The following RADIL variants were observed in gnomAD, a reference collection of about 807,000 sequenced individuals.
RADIL encodes the protein Rap associating with DIL domain, also known as ras-associating and dilute domain-containing protein.
A neutral mutation model predicts 97.6 loss-of-function variants in RADIL; 99 were observed. The ratio of observed to expected loss-of-function variants is 1.01; its 90% CI spans 0.86 to 1.20. RADIL has a LOEUF of 1.20. RADIL is among the 50% of genes most tolerant of loss of function. RADIL has a pLI of 0.00. For synonymous variants in RADIL, 803 were observed against 691.8 expected (o/e 1.16, Z -2.52); for missense variants, 1,765 against 1,498.9 (o/e 1.18, Z -2.93).
chr7:4,823,256 G>A (rs559857775), intron 5 of RADIL, among the ~76,000 whole-genome samples: 180 of 151,314 alleles, frequency 1.2e-3, no homozygotes, highest in Non-Finnish European at 7.5e-4. Flanking sequence ...AGGAGTTCGA[G>A]ACCAGCCTGG....
chr7:4,860,549 G>A (rs1485719437), intron 2 of RADIL: 7 of 1,614,050 alleles, frequency 4.3e-6, no homozygotes, highest in Non-Finnish European at 5.9e-6. Flanking sequence ...TGCTGGAAAT[G>A]ACTGTGGATT....
At chr7:4,838,632 C>T (rs1273109795) in intron 2 of RADIL, among the ~76,000 whole-genome samples, 1 of 152,202 alleles carries the variant, frequency 6.6e-6, no homozygotes, top group Non-Finnish European at 1.5e-5. Context: ...GCAGGGGCCA[C>T]TCCCAGGGTC....
rs369369633 is a variant in RADIL at position 4,799,272 on chromosome 7, G to A, written c.*106C>T. The A allele has an allele frequency of 3.4e-5, 37 of 1,088,328 alleles. No homozygotes were observed. Among genetic ancestry groups the A allele is most frequent in the South Asian group, 6.9e-5 (5 of 72,126 alleles). 67.4% of individuals were successfully genotyped at this position (1,088,328 alleles called of 1,614,324 possible). A position where few individuals can be genotyped will look rare whatever the true frequency, so the allele number is the denominator to read the frequency against. Reference sequence around the variant, plus strand: ...GTCCCCAGGGTGAGGCTCCCCACCCGGGACCCAACTTGGTCAGTTACAAAA... The same window carrying A: ...GTCCCCAGGGTGAGGCTCCCCACCCAGGACCCAACTTGGTCAGTTACAAAA... On this transcript the variant is annotated 3_prime_UTR_variant, in exon 15 of 15. Transcript: ENST00000399583.
chr7:4,806,692 C>T (rs1782320409), intron 9 of RADIL, among the ~76,000 whole-genome samples: 1 of 152,226 alleles, frequency 6.6e-6, no homozygotes, highest in South Asian at 2.1e-4. Flanking sequence ...AATAGATCTT[C>T]TAGTAGCTTC....
rs1023507394 is a variant in RADIL at position 4,878,729 on chromosome 7, C to A, written c.-64-526G>T. On this transcript the variant is annotated intron_variant, in intron 1 of 14. Transcript: ENST00000399583. The surrounding 1 kb of genome is among the most constrained non-coding windows in gnomAD (Gnocchi z 4.1). ...GAGGTCGCCTAAGTAAGACACGCTC[C>A]GCTGCAGGGCTTGGATTTCTGGAAA... is the stretch of plus-strand genomic sequence containing the variant. 6.6e-6 allele frequency among the ~76,000 whole-genome samples: 1 copy of A among 152,214 alleles called. No homozygotes were observed. Among genetic ancestry groups the A allele is most frequent in the Admixed American group, 6.5e-5 (1 of 15,286 alleles).
chr7:4,861,217 G>A (rs1562454603), intron 2 of RADIL: 1 of 1,614,090 alleles, frequency 6.2e-7, no homozygotes, highest in South Asian at 1.1e-5. Flanking sequence ...GGCTTCTTAT[G>A]CATCTAATGT....
intron 14 of RADIL, 60 bp from the exon 15 acceptor site, chr7:4,799,543 G>T: frequency 6.2e-7 from 1 of 1,612,530 alleles, no homozygotes; most frequent in Non-Finnish European, 8.5e-7. Context: ...CCCACAGGGT[G>T]CAGCCGGGCC....
intron 2 of RADIL, among the ~76,000 whole-genome samples, chr7:4,868,294 C>T (rs1784174394): frequency 6.6e-6 from 1 of 152,204 alleles, no homozygotes. Flanking sequence ...AATCTCCTGA[C>T]CTCGTGATCC....
chr7:4,837,769 C>T lies in RADIL; in HGVS notation c.536-1164G>A, dbSNP rs971280488. ...ACTTAATATCTCATAAATACAGACA[C>T]GCTCTCTAAATGCATGCTCTGGGAA... On this transcript the variant is annotated intron_variant, in intron 2 of 14. Transcript: ENST00000399583. This position sits in a 1 kb window ranked among gnomAD's most constrained non-coding sequence, Gnocchi z 5.6. 4.5e-6 allele frequency: 4 copies of T among 884,956 alleles called. No homozygotes were observed. Among genetic ancestry groups the T allele is most frequent in the African/African-American group, 3.7e-5 (2 of 54,790 alleles). 54.8% of individuals were successfully genotyped at this position (884,956 alleles called of 1,614,324 possible).
At chr7:4,829,677 G>A (rs974345836) in intron 5 of RADIL, among the ~76,000 whole-genome samples, 1 of 152,046 alleles carries the variant, frequency 6.6e-6, no homozygotes, top group African/African-American at 2.4e-5. Context: ...TCATGGGGGC[G>A]GGTCTTTGCC....
chr7:4,801,904 G>T lies in RADIL; in HGVS notation c.2591C>A (p.Ala864Asp). The T allele has an allele frequency of 6.4e-7, 1 of 1,573,090 alleles. No individual in the cohort carries two copies. Among genetic ancestry groups the T allele is most frequent in the African/African-American group, 1.4e-5 (1 of 73,772 alleles). The change falls in exon 12 of 15, where the codon GCC (alanine) becomes GAC (aspartate). Residue 864 changes from alanine (A) to aspartate (D), a missense_variant. Ala to Asp is a moderately radical substitution (Grantham distance 126). Transcript: ENST00000399583. ...CCTCAAGGGAAGAGTACGCTCCGGG[G>T]CCACTTCCCGGGCTGCTGGGCCAGG... The part of the protein sequence containing the change: ...RDPGPAAREV[A>D]PERTLPLRGA...
rs1781956792 is a variant in RADIL at position 4,797,584 on chromosome 7, C to G, written c.*1794G>C. On this transcript the variant is annotated 3_prime_UTR_variant, in exon 15 of 15. Transcript: ENST00000399583. ...CACCGTTAAGGCATCAAATCAGAGT[C>G]CAGGATCCTGGGATCTGCACCAGGT... The G allele has an allele frequency of 6.6e-6, 1 of 152,214 alleles. No homozygotes were observed. Among genetic ancestry groups the G allele is most frequent in the South Asian group, 2.1e-4 (1 of 4,836 alleles). The allele number at this position is 152,214 out of a possible 1,614,324, so 9.4% of individuals were successfully genotyped here. A position where few individuals can be genotyped will look rare whatever the true frequency, so the allele number is the denominator to read the frequency against.
chr7:4,874,143 G>T (rs1044243240), intron 2 of RADIL, among the ~76,000 whole-genome samples: 1 of 152,210 alleles, frequency 6.6e-6, no homozygotes. Context: ...TCCAACCCAC[G>T]GAAAGGCCGT....
intron 2 of RADIL, among the ~76,000 whole-genome samples, chr7:4,857,522 T>C (rs6948315): frequency 0.14 from 21,489 of 152,130 alleles, 1,909 homozygotes; most frequent in African/African-American, 0.25. Context: ...CTTTCTTTCC[T>C]GCCTTCTTCT....
At position 4,877,639 on chromosome 7, in the gene RADIL, C is replaced by G. The variant is rs1284625519; in HGVS notation, c.501G>C (p.Glu167Asp). Reference protein sequence around the residue: ...FELRKRSDVEELAAKEVDTIT... With the variant: ...FELRKRSDVEDLAAKEVDTIT... The stretch of plus-strand genomic sequence containing the variant: ...TGGTGTCCACCTCCTTGGCTGCCAG[C>G]TCCTCCACGTCCGACCTCTTCCTCA... The change falls in exon 2 of 15, where the codon GAG (glutamate) becomes GAC (aspartate). Residue 167 changes from glutamate (E) to aspartate (D), a missense_variant. Glu to Asp is a conservative substitution (Grantham distance 45). Coordinates refer to ENST00000399583, the MANE Select transcript of RADIL (RefSeq NM_018059.5). The G allele has an allele frequency of 6.2e-7, 1 of 1,609,596 alleles. No homozygotes were observed. Among genetic ancestry groups the G allele is most frequent in the Admixed American group, 1.7e-5 (1 of 59,406 alleles).
At chr7:4,868,330 G>A (rs1293979823) in intron 2 of RADIL, among the ~76,000 whole-genome samples, 12 of 152,182 alleles carry the variant, frequency 7.9e-5, no homozygotes, top group African/African-American at 2.2e-4. Context: ...CCAAAGTGCC[G>A]GGATTACAGG....
chr7:4,838,035 GGCAGCCGGCA>G, intron 2 of RADIL: 1 of 985,444 alleles, frequency 1.0e-6, no homozygotes, highest in Non-Finnish European at 1.2e-6. Flanking sequence ...TCCTTCCCAA[GGCAGCCGGCA>G]GCCTGTGCAT....
Position 4,857,466 on chromosome 7 carries a change from A to G in RADIL, c.535+20139T>C, listed in dbSNP as rs558085706. Among the ~76,000 whole-genome samples, 81 of 152,316 alleles carry G rather than the reference A, an allele frequency of 5.3e-4. 1 individual carries two copies. The highest frequency in any genetic ancestry group is 1.6e-3 in the African/African-American group (68 of 41,558). On this transcript the variant is annotated intron_variant, in intron 2 of 14. Coordinates refer to ENST00000399583, the MANE Select transcript of RADIL (RefSeq NM_018059.5). ...TATACTTGGTTTCATTTCCATGACC[A>G]TAGATCGTGTTTTCTTTTTACTCTA...
At chr7:4,877,145 A>G (rs1784393361) in intron 2 of RADIL, among the ~76,000 whole-genome samples, 1 of 152,206 alleles carries the variant, frequency 6.6e-6, no homozygotes, top group Non-Finnish European at 1.5e-5. Flanking sequence ...TGCGTAGACA[A>G]ACTACAACTT....
Sources: gnomAD v4.1 joint callset for allele counts (sites outside exome capture counted in the v4.1 genomes callset) on GRCh38, gnomAD v4.1.1 for gene constraint, Gnocchi (gnomAD v3.1) non-coding constraint, MANE v1.5 for transcripts, NCBI Gene and HGNC (gene_info 2026-07-23, HGNC 2026-07-21) for gene names.